Variants in SYTL2 observed in about 807,000 individuals in gnomAD.
SYTL2 encodes the protein synaptotagmin-like protein 2.
SYTL2 carries 165 observed loss-of-function variants against 198.7 expected under a neutral mutation model. The observed-to-expected ratio is 0.83, with a 90% CI of 0.73 to 0.94. SYTL2 has a LOEUF of 0.94. Among genes scored for constraint, SYTL2 ranks in the 40% least tolerant of loss-of-function variants. The pLI is 0.00. For synonymous variants in SYTL2, 966 were observed against 917.7 expected, an observed-to-expected ratio of 1.05 and a Z score of -0.95; for missense variants, 2,835 against 2,582.8, an observed-to-expected ratio of 1.10 and a Z score of -2.12.
chr11:85,718,954 A>C (rs1424468322), intron 9 of SYTL2, 111 bp from the exon 10 acceptor site: 6 of 1,546,100 alleles, frequency 3.9e-6, no homozygotes, highest in Non-Finnish European at 5.2e-6. Flanking sequence ...TCAAGATGCA[A>C]TGAGGGGTGC....
chr11:85,791,662 A>G (rs936772665), intron 1 of SYTL2, among the ~76,000 whole-genome samples: 1 of 150,902 alleles, frequency 6.6e-6, no homozygotes, highest in Admixed American at 6.6e-5. Context: ...TTGTTTTCCA[A>G]TGTGCCTGCA....
chr11:85,753,913 C>T (rs1185130879), intron 2 of SYTL2, among the ~76,000 whole-genome samples: 3 of 152,052 alleles, frequency 2.0e-5, no homozygotes, highest in African/African-American at 7.2e-5. Context: ...CAGATCTCAT[C>T]TACCGCCATA....
At chr11:85,825,094 T>C in the SYTL2 span, among the ~76,000 whole-genome samples, 130 of 152,326 alleles carry the variant, frequency 8.5e-4, no homozygotes, top group African/African-American at 3.0e-3. Context: ...CATAGCTTAC[T>C]TATGTTTTGA....
chr11:85,700,102 T>G (rs1204205990), intron 17 of SYTL2, among the ~76,000 whole-genome samples: 1 of 143,318 alleles, frequency 7.0e-6, no homozygotes, highest in Non-Finnish European at 1.5e-5. Context: ...TAAACTAAAC[T>G]AAAAAAAAAA....
chr11:85,820,063 C>T, the SYTL2 span, among the ~76,000 whole-genome samples: 2 of 152,168 alleles, frequency 1.3e-5, no homozygotes, highest in African/African-American at 2.4e-5. Context: ...GGATTCCTAA[C>T]CTAGGTTCTT....
chr11:85,726,965 A>G lies in SYTL2; in HGVS notation c.2393T>C (p.Phe798Ser). Residue 798 changes from phenylalanine (F) to serine (S), a missense_variant, in exon 8 of 20, where the codon TTT becomes TCT. Phe to Ser is a radical substitution (Grantham distance 155). This residue lies in a region of SYTL2 where 2,645 missense variants were observed against 2,381.7 expected (regional missense o/e 1.11). Transcript: ENST00000359152. ...AGCACCAGCTTTCTCTCCTTCCCAA[A>G]AGGATATTCTGTCACTCACTCTTTT... ...KYKRVSDRIS[F>S]WEGEKAGAKI... 1 of 1,536,620 alleles carries G rather than the reference A, an allele frequency of 6.5e-7. No individual in the cohort carries two copies. The highest frequency in any genetic ancestry group is 2.4e-5 in the East Asian group (1 of 40,904).
At position 85,727,205 on chromosome 11, in the gene SYTL2, G is replaced by A. The variant is rs1485768904; in HGVS notation, c.2153C>T (p.Thr718Ile). 3.9e-6 allele frequency: 6 copies of A among 1,536,304 alleles called. No homozygotes were observed. The highest frequency in any genetic ancestry group is 2.0e-5 in the Admixed American group (1 of 50,974). ...GHSEVNFDSS[T>I]VVKEPGLKDN... The stretch of plus-strand genomic sequence containing the variant: ...TTTCAAACCTGGTTCTTTGACAACT[G>A]TTGAAGAGTCAAAATTCACTTCTGA... Residue 718 changes from threonine (T) to isoleucine (I), a missense_variant, in exon 8 of 20, where the codon ACA (threonine) becomes ATA (isoleucine). Around this residue, in one of 3 missense-constraint regions of SYTL2, gnomAD observed 2,645 missense variants for 2,381.7 expected, o/e 1.11. Coordinates refer to ENST00000359152, the MANE Select transcript of SYTL2 (RefSeq NM_206927.4).
rs533234089 is a variant in SYTL2, at chr11:85,757,942, T to G, written c.-217A>C. 30 of 568,280 alleles carry G rather than the reference T, an allele frequency of 5.3e-5. No homozygotes were observed. The highest frequency in any genetic ancestry group is 1.0e-3 in the Middle Eastern group (2 of 2,008). The allele number at this position is 568,280 out of a possible 1,614,324, so 35.2% of individuals were successfully genotyped here. A position where few individuals can be genotyped will look rare whatever the true frequency, so the allele number is the denominator to read the frequency against. ...CATGAGGAAGTCCTGGTCTGTGGGA[T>G]AGTGTCGAGAAGAGGCTCTCAGAAG... is the stretch of plus-strand genomic sequence containing the variant. On this transcript the variant is annotated 5_prime_UTR_variant, in exon 2 of 20. Transcript: ENST00000359152.
intron 9 of SYTL2, among the ~76,000 whole-genome samples, chr11:85,720,374 T>G (rs2088110516): frequency 6.6e-6 from 1 of 152,216 alleles, no homozygotes; most frequent in Non-Finnish European, 1.5e-5. Context: ...ATCTTCCGTG[T>G]AATACTAAAA....
intron 2 of SYTL2, among the ~76,000 whole-genome samples, chr11:85,748,995 G>T (rs942320759): frequency 6.6e-6 from 1 of 152,152 alleles, no homozygotes; most frequent in Non-Finnish European, 1.5e-5. Context: ...TGATGTCTCT[G>T]ATGCTTATTG....
intron 2 of SYTL2, among the ~76,000 whole-genome samples, chr11:85,751,882 A>G (rs1334579279): frequency 6.6e-6 from 1 of 152,222 alleles, no homozygotes; most frequent in East Asian, 1.9e-4. Flanking sequence ...TCACTGACTC[A>G]TTAATTCCCA....
At chr11:85,722,991 G>C (rs1363633732) in intron 8 of SYTL2, among the ~76,000 whole-genome samples, 1 of 152,104 alleles carries the variant, frequency 6.6e-6, no homozygotes, top group East Asian at 1.9e-4. Context: ...CTAAACAAAT[G>C]ACAAATTCTA....
chr11:85,698,306 A>G (rs918750654), intron 17 of SYTL2, among the ~76,000 whole-genome samples: 1 of 152,234 alleles, frequency 6.6e-6, no homozygotes, highest in South Asian at 2.1e-4. Context: ...AGTACCAAGT[A>G]TTACATCATT....
At chr11:85,850,094 T>C in the SYTL2 span, among the ~76,000 whole-genome samples, 386 of 146,636 alleles carry the variant, frequency 2.6e-3, 2 homozygotes, top group African/African-American at 9.4e-3. Flanking sequence ...TGTTTGTCTG[T>C]TGTTGGTGTA....
intron 7 of SYTL2, among the ~76,000 whole-genome samples, chr11:85,730,159 G>C (rs2089649512): frequency 6.6e-6 from 1 of 152,138 alleles, no homozygotes; most frequent in Non-Finnish European, 1.5e-5. Context: ...AATTCTACCG[G>C]AGGTACAAAG....
intron 13 of SYTL2, 107 bp downstream of exon 13, chr11:85,711,006 G>T: frequency 8.2e-7 from 1 of 1,224,994 alleles, no homozygotes; most frequent in Non-Finnish European, 1.1e-6. Flanking sequence ...GAAACTGTTT[G>T]TGCCCTGAGA....
intron 2 of SYTL2, among the ~76,000 whole-genome samples, chr11:85,751,784 T>C (rs1338910820): frequency 2.0e-5 from 3 of 152,218 alleles, no homozygotes; most frequent in Non-Finnish European, 4.4e-5. Flanking sequence ...CACCATGCTG[T>C]TCAAAGAATT....
rs115176756 is a variant in SYTL2 at position 85,720,909 on chromosome 11, C to T, written c.5377G>A (p.Ala1793Thr). Residue 1793 changes from alanine (A) to threonine (T), a missense_variant, in exon 9 of 20, where the codon GCT becomes ACT. Ala to Thr is a moderately conservative substitution (Grantham distance 58, BLOSUM62 0). Around this residue, in one of 3 missense-constraint regions of SYTL2, gnomAD observed 2,645 missense variants for 2,381.7 expected, o/e 1.11. Transcript: ENST00000359152. ...PVLKTLERSA[A>T]RKMPSKSLED... ...AGACTTTTGGAAGGCATTTTCCTAG[C>T]GGCACTCCTTTCCAAAGTTTTCAAA... is the stretch of plus-strand genomic sequence containing the variant. 79 of 1,613,638 alleles carry T rather than the reference C, an allele frequency of 4.9e-5. No homozygotes were observed. In the East Asian group the frequency reaches 1.2e-3, roughly 26 times the overall value.
chr11:85,707,976 C>CCA (rs374898366), intron 14 of SYTL2: 7,286 of 96,440 alleles, frequency 0.076, 202 homozygotes, highest in Non-Finnish European at 0.095. Context: ...AAAAAAAAAA[C>CCA]CACACACACA....
Sources: gnomAD v4.1 joint callset for allele counts (sites outside exome capture counted in the v4.1 genomes callset) on GRCh38, gnomAD v4.1.1 for gene constraint, gnomAD v4.1.1 regional missense constraint, MANE v1.5 for transcripts, NCBI Gene and HGNC (gene_info 2026-07-23, HGNC 2026-07-21) for gene names.